Variants in LRP6 observed in about 807,000 individuals in gnomAD.
LRP6 encodes LDL receptor related protein 6.
A neutral mutation model predicts 184.1 loss-of-function variants in LRP6; 43 were observed. That is an observed-to-expected ratio of 0.23 (90% CI 0.18 to 0.30). LRP6 has a LOEUF of 0.30. Ranked by LOEUF, LRP6 falls within the 10% of genes least tolerant of loss-of-function variation. The pLI, the probability that LRP6 is intolerant of heterozygous loss-of-function variation, is 1.00. For synonymous variants in LRP6, 719 were observed against 684.9 expected (o/e 1.05, Z -0.78); for missense variants, 1,571 against 2,005.3 (o/e 0.78, Z 4.14).
chr12:12,227,055 C>T (rs1208347429), intron 2 of LRP6, among the ~76,000 whole-genome samples: 1 of 152,076 alleles, frequency 6.6e-6, no homozygotes, highest in East Asian at 1.9e-4. Flanking sequence ...GAAAAAACAC[C>T]TTACTTGTAG....
intron 6 of LRP6, 25 bp from the exon 7 acceptor site, chr12:12,180,006 C>T: frequency 6.3e-7 from 1 of 1,588,002 alleles, no homozygotes; most frequent in Non-Finnish European, 8.6e-7. Context: ...AAAAAATGAG[C>T]TAAAAATAGA....
At chr12:12,245,966 T>C (rs1231560669) in intron 1 of LRP6, among the ~76,000 whole-genome samples, 1 of 150,588 alleles carries the variant, frequency 6.6e-6, no homozygotes, top group Non-Finnish European at 1.5e-5. Flanking sequence ...CTAGTGTGAC[T>C]ACAAAATTAA....
Position 12,124,632 on chromosome 12 carries a change from C to A in LRP6, c.4480G>T (p.Glu1494Ter). 6.2e-7 allele frequency: 1 copy of A among 1,613,346 alleles called. No individual in the cohort carries two copies. The change falls in exon 22 of 23, where the codon GAG becomes TAG. Residue 1494 changes from glutamate to a stop codon, truncating the protein, a stop_gained. Coordinates refer to ENST00000261349, the MANE Select transcript of LRP6 (RefSeq NM_002336.3). LOFTEE classifies it high-confidence loss of function. ...AATTCCATAGTGTAATGTGATCGCT[C>A]TGTGGCTGGGGATGGTGGAGGGTTC... Reference protein sequence around the residue: ...ILNPPPSPATERSHYTMEFGY... With the variant: ...ILNPPPSPAT
chr12:12,160,081 A>G, intron 10 of LRP6, 117 bp from the exon 11 acceptor site: 1 of 742,504 alleles, frequency 1.3e-6, no homozygotes, highest in Non-Finnish European at 2.1e-6. Context: ...AATCAAGGAA[A>G]TGGGTTAAAC....
intron 1 of LRP6, among the ~76,000 whole-genome samples, chr12:12,259,013 G>C (rs993151541): frequency 1.3e-5 from 2 of 152,296 alleles, no homozygotes; most frequent in Non-Finnish European, 2.9e-5. Flanking sequence ...TGTAAGCCCA[G>C]CACTTTGGAA....
intron 7 of LRP6, among the ~76,000 whole-genome samples, chr12:12,178,942 A>C (rs1354603359): frequency 2.0e-5 from 3 of 152,258 alleles, no homozygotes; most frequent in Admixed American, 6.5e-5. Flanking sequence ...CTAGAGTCTG[A>C]ATTTTCTGTC....
At chr12:12,258,844 T>C (rs1005928176) in intron 1 of LRP6, among the ~76,000 whole-genome samples, 2 of 152,174 alleles carry the variant, frequency 1.3e-5, no homozygotes, top group East Asian at 3.8e-4. Context: ...CCTTTACTTG[T>C]AGTTTGGGTC....
In LRP6 at chr12:12,150,920, A is replaced by G; in HGVS notation, c.2910T>C (p.Ile970=). ...GTTGCTTGTCCAGTGGGTCATAGTCAATGGCCCGGACATTCCGAAGGCTGT... is the reference window on the plus strand; with the variant it reads ...GTTGCTTGTCCAGTGGGTCATAGTCGATGGCCCGGACATTCCGAAGGCTGT... ...PIHSLRNVRA[I]DYDPLDKQLY... The change falls in exon 13 of 23, where the codon ATT becomes ATC. Residue 970 remains isoleucine, a synonymous_variant. Coordinates refer to ENST00000261349, the MANE Select transcript of LRP6 (RefSeq NM_002336.3). The G allele has an allele frequency of 6.2e-7, 1 of 1,614,080 alleles. No homozygotes were observed. The highest frequency in any genetic ancestry group is 8.5e-7 in the Non-Finnish European group (1 of 1,179,966).
intron 5 of LRP6, among the ~76,000 whole-genome samples, chr12:12,181,796 A>G (rs186875806): frequency 3.2e-4 from 49 of 152,344 alleles, no homozygotes; most frequent in Non-Finnish European, 6.5e-4. Context: ...TCCTTTGTTC[A>G]AGAAGCATTT....
intron 2 of LRP6, among the ~76,000 whole-genome samples, chr12:12,212,349 T>G (rs976768343): frequency 3.3e-5 from 5 of 152,226 alleles, no homozygotes; most frequent in Non-Finnish European, 7.3e-5. Flanking sequence ...ATTACATTAT[T>G]CTACTATGCT....
intron 15 of LRP6, 41 bp from the exon 16 acceptor site, chr12:12,138,575 G>A (rs199957857): frequency 6.5e-7 from 1 of 1,532,256 alleles, no homozygotes; most frequent in Non-Finnish European, 9.0e-7. Context: ...ACTCATGTGG[G>A]TCAAGTTATA....
At position 12,213,482 on chromosome 12, in the gene LRP6, ATTTTTC is replaced by A. The variant is rs563042157; in HGVS notation, c.450-10088_450-10083del. The stretch of plus-strand genomic sequence containing the variant: ...TATTATTAATATATCTGTTACAAAT[ATTTTTC>A]TTTGTCTTTTTTTGCTTGAATCAAA... On this transcript the variant is annotated intron_variant, in intron 2 of 22. Transcript: ENST00000261349. 2.3e-3 allele frequency among the ~76,000 whole-genome samples: 352 copies of A among 152,022 alleles called. 1 individual carries two copies. Among genetic ancestry groups the A allele is most frequent in the African/African-American group, 8.2e-3 (341 of 41,498 alleles).
At chr12:12,235,323 A>T (rs1361165866) in intron 2 of LRP6, among the ~76,000 whole-genome samples, 1 of 152,230 alleles carries the variant, frequency 6.6e-6, no homozygotes, top group Non-Finnish European at 1.5e-5. Flanking sequence ...AATTGGCGAT[A>T]ACATGAATTT....
At position 12,218,130 on chromosome 12, in the gene LRP6, C is replaced by T. The variant is rs984187847; in HGVS notation, c.450-14730G>A. ...AATCAGTATTTGCAAATCGTATGTC[C>T]GACAAAGGTCTGGTTTCCAGAATAT... On this transcript the variant is annotated intron_variant, in intron 2 of 22. Coordinates refer to ENST00000261349, the MANE Select transcript of LRP6 (RefSeq NM_002336.3). Among the ~76,000 whole-genome samples, 7 of 152,120 alleles carry T rather than the reference C, an allele frequency of 4.6e-5. No individual in the cohort carries two copies. The East Asian group carries it at 9.7e-4, about 21-fold the overall frequency.
chr12:12,251,300 C>T (rs746051737), intron 1 of LRP6, among the ~76,000 whole-genome samples: 11 of 152,136 alleles, frequency 7.2e-5, no homozygotes, highest in African/African-American at 1.7e-4. Context: ...ATTATAGTTA[C>T]GTAAAACTAG....
intron 18 of LRP6, 128 bp from the exon 19 acceptor site, chr12:12,131,021 T>A: frequency 1.5e-6 from 1 of 670,112 alleles, no homozygotes; most frequent in Non-Finnish European, 2.7e-6. Flanking sequence ...AACTTAAATA[T>A]TATTCTCTGG....
chr12:12,230,967 G>A (rs1166676348), intron 2 of LRP6, among the ~76,000 whole-genome samples: 3 of 151,934 alleles, frequency 2.0e-5, no homozygotes, highest in Admixed American at 6.6e-5. Context: ...CAGATCACAA[G>A]GTCAGGAGTT....
chr12:12,242,102 T>A (rs1865081164), intron 2 of LRP6, among the ~76,000 whole-genome samples: 1 of 152,168 alleles, frequency 6.6e-6, no homozygotes, highest in Non-Finnish European at 1.5e-5. Flanking sequence ...TAATGTACTA[T>A]CAGGTAATCA....
At chr12:12,143,845 A>C (rs949358588) in intron 15 of LRP6, among the ~76,000 whole-genome samples, 1 of 152,226 alleles carries the variant, frequency 6.6e-6, no homozygotes, top group Non-Finnish European at 1.5e-5. Flanking sequence ...TCTTATTGCT[A>C]TACATTTATG....
Sources: gnomAD v4.1 joint callset for allele counts (sites outside exome capture counted in the v4.1 genomes callset) on GRCh38, gnomAD v4.1.1 for gene constraint, MANE v1.5 for transcripts, NCBI Gene and HGNC (gene_info 2026-07-23, HGNC 2026-07-21) for gene names.